The following ZNF462 variants were observed in gnomAD, a reference collection of about 807,000 sequenced individuals.
The protein encoded by ZNF462 is zinc finger protein 462.
A neutral mutation model predicts 201.9 loss-of-function variants in ZNF462; 10 were observed. The observed-to-expected ratio is 0.05, with a 90% CI of 0.03 to 0.08. The LOEUF (loss-of-function observed/expected upper bound fraction) is 0.08. Among genes scored for constraint, ZNF462 ranks in the 10% least tolerant of loss-of-function variants. The pLI, the probability that ZNF462 is intolerant of heterozygous loss-of-function variation, is 1.00. For synonymous variants in ZNF462, 1,227 were observed against 1,193.3 expected (o/e 1.03, Z -0.58); for missense variants, 2,523 against 3,168.3 (o/e 0.80, Z 4.89).
rs1024546576 is a variant in ZNF462 at position 106,890,524 on chromosome 9, G to T, written c.-31+27169G>T. ...TGTCCACAAACATGGTTTTACACTT[G>T]GATGATGTAGTTAGGCTCAACTCCA... On this transcript the variant is annotated intron_variant, in intron 1 of 12. Transcript: ENST00000277225. This position sits in a 1 kb window ranked among gnomAD's most constrained non-coding sequence, Gnocchi z 4.2. Among the ~76,000 whole-genome samples the T allele has an allele frequency of 6.6e-6, 1 of 152,286 alleles. No homozygotes were observed. Among genetic ancestry groups the T allele is most frequent in the Admixed American group, 6.5e-5 (1 of 15,296 alleles).
chr9:106,949,449 G>A (rs1831246116), intron 7 of ZNF462, among the ~76,000 whole-genome samples: 1 of 152,202 alleles, frequency 6.6e-6, no homozygotes, highest in Admixed American at 6.5e-5. Flanking sequence ...AGCAAGATGT[G>A]CCATCCCATG....
At chr9:107,002,461 C>A (rs181266209) in intron 10 of ZNF462, among the ~76,000 whole-genome samples, 1 of 152,290 alleles carries the variant, frequency 6.6e-6, no homozygotes, top group East Asian at 1.9e-4. Context: ...AAAATCGATT[C>A]ATGATGAAGG....
rs566528772 is a variant in ZNF462, at chr9:106,913,055, A to T, written c.-30-10299A>T. Among the ~76,000 whole-genome samples the T allele has an allele frequency of 6.6e-6, 1 of 152,338 alleles. No individual in the cohort carries two copies. Among genetic ancestry groups the T allele is most frequent in the Admixed American group, 6.5e-5 (1 of 15,300 alleles). On this transcript the variant is annotated intron_variant, in intron 1 of 12. Transcript: ENST00000277225. This position sits in a 1 kb window ranked among gnomAD's most constrained non-coding sequence, Gnocchi z 4.1. The stretch of plus-strand genomic sequence containing the variant: ...AGGTGATGACTCCAGGTGTCACATC[A>T]GTTCAGGGTAGCTTAGCGGTGTTAT...
chr9:106,983,375 C>T (rs780314209), intron 9 of ZNF462, among the ~76,000 whole-genome samples: 3 of 152,134 alleles, frequency 2.0e-5, no homozygotes, highest in African/African-American at 7.2e-5. Context: ...CCACCTCCCC[C>T]GATTGTTGCC....
At position 106,972,576 on chromosome 9, in the gene ZNF462, A is replaced by G. The variant is rs1826679523; in HGVS notation, c.6695+304A>G. Among the ~76,000 whole-genome samples the G allele has an allele frequency of 6.6e-6, 1 of 152,202 alleles. No homozygotes were observed. Among genetic ancestry groups the G allele is most frequent in the Non-Finnish European group, 1.5e-5 (1 of 68,036 alleles). Reference sequence around the variant, plus strand: ...CATGCGTGGAGTGGTGTTTCCCTTCAGAGAACTGTCTCCTCTCCTTTTTTT... The same window carrying G: ...CATGCGTGGAGTGGTGTTTCCCTTCGGAGAACTGTCTCCTCTCCTTTTTTT... On this transcript the variant is annotated intron_variant, in intron 8 of 12. Transcript: ENST00000277225. This position sits in a 1 kb window ranked among gnomAD's most constrained non-coding sequence, Gnocchi z 4.8.
chr9:106,991,847 C>CT (rs1037785429), intron 10 of ZNF462, among the ~76,000 whole-genome samples: 2,495 of 139,882 alleles, frequency 0.018, 72 homozygotes, highest in African/African-American at 0.065. Context: ...TCTACACACA[C>CT]ACACACACAC....
chr9:106,935,139 G>C lies in ZNF462; in HGVS notation c.6117-364G>C, dbSNP rs1320243229. 2.0e-5 allele frequency among the ~76,000 whole-genome samples: 3 copies of C among 152,082 alleles called. No homozygotes were observed. The highest frequency in any genetic ancestry group is 7.2e-5 in the African/African-American group (3 of 41,402). ...AATAAGTTAGAGGACTAATTGATAG[G>C]CACTCTCACTGGCTTGGCAGGAAGC... is the stretch of plus-strand genomic sequence containing the variant. On this transcript the variant is annotated intron_variant, in intron 5 of 12. Coordinates refer to ENST00000277225, the MANE Select transcript of ZNF462 (RefSeq NM_021224.6). The surrounding 1 kb of genome is among the most constrained non-coding windows in gnomAD (Gnocchi z 4.1).
At chr9:106,964,433 A>C (rs1831981176) in intron 7 of ZNF462, among the ~76,000 whole-genome samples, 1 of 152,066 alleles carries the variant, frequency 6.6e-6, no homozygotes, top group African/African-American at 2.4e-5. Flanking sequence ...ATTCACCAGT[A>C]TTGTGATACA....
chr9:106,976,404 T>G (rs947276529), intron 9 of ZNF462: 1 of 152,220 alleles, frequency 6.6e-6, no homozygotes, highest in Admixed American at 6.5e-5. Flanking sequence ...GGAATTTGTC[T>G]AGCAGGTTTT....
chr9:106,904,058 G>C (rs1037224913), intron 1 of ZNF462, among the ~76,000 whole-genome samples: 4 of 152,086 alleles, frequency 2.6e-5, no homozygotes, highest in Non-Finnish European at 4.4e-5. Context: ...AAGAGATTCT[G>C]TTTTGATGTG....
chr9:106,901,842 A>G (rs138196183), intron 1 of ZNF462, among the ~76,000 whole-genome samples: 1 of 152,252 alleles, frequency 6.6e-6, no homozygotes, highest in East Asian at 1.9e-4. Flanking sequence ...TTCAAGGTAA[A>G]CAATCCTATT....
chr9:106,893,164 C>CA (rs1395280770), intron 1 of ZNF462, among the ~76,000 whole-genome samples: 2 of 152,168 alleles, frequency 1.3e-5, no homozygotes, highest in Non-Finnish European at 2.9e-5. Context: ...AACACGATGC[C>CA]AAGAAGCAGA....
At chr9:106,971,864 T>C (rs1180262279) in intron 7 of ZNF462, 141 bp from the exon 8 acceptor site, 1 of 1,023,644 alleles carries the variant, frequency 9.8e-7, no homozygotes, top group Non-Finnish European at 1.4e-6. Context: ...CTTGTACACC[T>C]TAAGTATAAA....
rs889439548 is a variant in ZNF462, at chr9:106,863,166, G to A, written c.-220G>A. On this transcript the variant is annotated 5_prime_UTR_variant, in exon 1 of 13. Coordinates refer to ENST00000277225, the MANE Select transcript of ZNF462 (RefSeq NM_021224.6). ...ATCTCAGGTCATCTGCAGCTGCAGC[G>A]AGTCTGAGGAGCCGAGGAAGGCAGG... 5.0e-6 allele frequency: 2 copies of A among 399,206 alleles called. No homozygotes were observed. The allele number at this position is 399,206 out of a possible 1,614,324, so 24.7% of individuals were successfully genotyped here.
intron 10 of ZNF462, among the ~76,000 whole-genome samples, chr9:106,996,458 C>A (rs1332023166): frequency 6.6e-6 from 1 of 152,164 alleles, no homozygotes; most frequent in African/African-American, 2.4e-5. Flanking sequence ...TATTTCTCCA[C>A]AACCTCTCCA....
rs1830723433 is a variant in ZNF462 at position 106,938,424 on chromosome 9, G to C, written c.6236-492G>C. On this transcript the variant is annotated intron_variant, in intron 6 of 12. Coordinates refer to ENST00000277225, the MANE Select transcript of ZNF462 (RefSeq NM_021224.6). This position sits in a 1 kb window ranked among gnomAD's most constrained non-coding sequence, Gnocchi z 4.4. ...TGTGTATAGTTAGCAAGGAAGTACAGAATAGAATAGCACAACAGAGCTTGC... is the reference window on the plus strand; with the variant it reads ...TGTGTATAGTTAGCAAGGAAGTACACAATAGAATAGCACAACAGAGCTTGC... 6.6e-6 allele frequency among the ~76,000 whole-genome samples: 1 copy of C among 152,162 alleles called. No homozygotes were observed. The highest frequency in any genetic ancestry group is 2.1e-4 in the South Asian group (1 of 4,826).
Position 106,923,480 on chromosome 9 carries a change from C to T in ZNF462, c.97C>T (p.Pro33Ser). 2 of 1,614,178 alleles carry T rather than the reference C, an allele frequency of 1.2e-6. No homozygotes were observed. Among genetic ancestry groups the T allele is most frequent in the East Asian group, 2.2e-5 (1 of 44,888 alleles). Residue 33 changes from proline (P) to serine (S), a missense_variant, in exon 2 of 13, where the codon CCA becomes TCA. Pro to Ser is a moderately conservative substitution (Grantham distance 74). Around this residue, in one of 15 missense-constraint regions of ZNF462, gnomAD observed 480 missense variants for 544.4 expected, o/e 0.88. Transcript: ENST00000277225. This position sits in a 1 kb window ranked among gnomAD's most constrained non-coding sequence, Gnocchi z 5.6. The part of the protein sequence containing the change: ...IQDVHTAFLQ[P>S]TDVAEDNVNE... ...GGATGTCCACACGGCATTTCTGCAG[C>T]CAACTGATGTTGCTGAGGACAATGT...
intron 1 of ZNF462, among the ~76,000 whole-genome samples, chr9:106,900,880 CTT>C (rs764429388): frequency 6.6e-6 from 1 of 152,112 alleles, no homozygotes; most frequent in Non-Finnish European, 1.5e-5. Context: ...TGCAAAAGCT[CTT>C]TACTTTAATT....
intron 7 of ZNF462, among the ~76,000 whole-genome samples, chr9:106,951,491 A>G (rs995740311): frequency 1.3e-5 from 2 of 152,234 alleles, no homozygotes; most frequent in Non-Finnish European, 2.9e-5. Flanking sequence ...TTTCAAAACT[A>G]TACTGTGCTG....
Sources: gnomAD v4.1 joint callset for allele counts (sites outside exome capture counted in the v4.1 genomes callset) on GRCh38, gnomAD v4.1.1 for gene constraint, gnomAD v4.1.1 regional missense constraint, Gnocchi (gnomAD v3.1) non-coding constraint, MANE v1.5 for transcripts, NCBI Gene and HGNC (gene_info 2026-07-23, HGNC 2026-07-21) for gene names.